The following APBB2 variants were observed in gnomAD, a reference collection of about 807,000 sequenced individuals.
APBB2 encodes Fe65-like 1.
A neutral mutation model predicts 82.5 loss-of-function variants in APBB2; 38 were observed. That is an observed-to-expected ratio of 0.46 (90% CI 0.36 to 0.60). The LOEUF (loss-of-function observed/expected upper bound fraction) is 0.60. APBB2 is among the 20% of genes least tolerant of loss of function. The pLI, the probability that APBB2 is intolerant of heterozygous loss-of-function variation, is 0.00. For synonymous variants in APBB2, 341 were observed against 368.2 expected, an observed-to-expected ratio of 0.93 and a Z score of 0.85; for missense variants, 772 against 972.3, an observed-to-expected ratio of 0.79 and a Z score of 2.74.
intron 1 of APBB2, among the ~76,000 whole-genome samples, chr4:41,159,162 T>C (rs1764217289): frequency 1.3e-5 from 2 of 152,170 alleles, no homozygotes; most frequent in South Asian, 4.1e-4. Flanking sequence ...AGTCTCAAAC[T>C]CACTAGGCCT....
chr4:41,194,312 A>ACT, intron 1 of APBB2, among the ~76,000 whole-genome samples: 11 of 152,174 alleles, frequency 7.2e-5, no homozygotes, highest in African/African-American at 2.4e-4. Flanking sequence ...ACAGAGCGAA[A>ACT]CTCTCTCTCA....
intron 6 of APBB2, among the ~76,000 whole-genome samples, chr4:40,955,756 A>C (rs1791451647): frequency 6.6e-6 from 1 of 151,004 alleles, no homozygotes; most frequent in African/African-American, 2.4e-5. Context: ...CCCTCCCCTA[A>C]CCAAAACATA....
At chr4:40,845,302 C>T (rs915991925) in intron 12 of APBB2, among the ~76,000 whole-genome samples, 1 of 152,144 alleles carries the variant, frequency 6.6e-6, no homozygotes, top group African/African-American at 2.4e-5. Flanking sequence ...CAAAGCTGGG[C>T]TTCTGCACAA....
At chr4:41,105,802 C>A (rs931065085) in intron 2 of APBB2, among the ~76,000 whole-genome samples, 1 of 151,104 alleles carries the variant, frequency 6.6e-6, no homozygotes, top group Non-Finnish European at 1.5e-5. Flanking sequence ...AGGAGAATGG[C>A]GTGAACCCGG....
At chr4:40,869,934 G>T (rs1765016448) in intron 12 of APBB2, among the ~76,000 whole-genome samples, 1 of 151,528 alleles carries the variant, frequency 6.6e-6, no homozygotes, top group East Asian at 2.0e-4. Context: ...CTGCTTGTGG[G>T]TATCTCCTGA....
intron 2 of APBB2, among the ~76,000 whole-genome samples, chr4:41,101,755 C>T (rs1349152435): frequency 1.3e-5 from 2 of 151,794 alleles, no homozygotes; most frequent in African/African-American, 4.8e-5. Context: ...GTCAGGAGTT[C>T]AAGACTAGCC....
At chr4:41,159,998 A>AGAAGAG (rs1764645638) in intron 1 of APBB2, among the ~76,000 whole-genome samples, 2 of 149,428 alleles carry the variant, frequency 1.3e-5, no homozygotes, top group Non-Finnish European at 3.0e-5. Flanking sequence ...AAGAAGAAGA[A>AGAAGAG]GAAGAAGAAG....
intron 4 of APBB2, among the ~76,000 whole-genome samples, chr4:41,045,147 A>T (rs1287172735): frequency 6.6e-6 from 1 of 151,348 alleles, no homozygotes; most frequent in Admixed American, 6.6e-5. Context: ...GATTTTTTTT[A>T]ATTTCTAATT....
At chr4:40,925,377 T>C (rs1264027753) in intron 10 of APBB2, among the ~76,000 whole-genome samples, 4 of 152,202 alleles carry the variant, frequency 2.6e-5, no homozygotes, top group African/African-American at 9.7e-5. Context: ...TTACCCTCAT[T>C]TTGCAGATGA....
At chr4:40,891,745 G>A (rs1311040565) in intron 11 of APBB2, among the ~76,000 whole-genome samples, 1 of 152,166 alleles carries the variant, frequency 6.6e-6, no homozygotes, top group African/African-American at 2.4e-5. Flanking sequence ...GTGCACTGTT[G>A]TGGTGAAACA....
intron 10 of APBB2, among the ~76,000 whole-genome samples, chr4:40,912,197 A>G (rs1267419274): frequency 6.6e-6 from 1 of 152,208 alleles, no homozygotes; most frequent in Non-Finnish European, 1.5e-5. Flanking sequence ...GCAGTCTGAC[A>G]TAGGGCTGCT....
chr4:40,957,647 G>A (rs188050828), intron 6 of APBB2, among the ~76,000 whole-genome samples: 207 of 150,258 alleles, frequency 1.4e-3, no homozygotes, highest in Non-Finnish European at 1.4e-3. Flanking sequence ...GCAATGGTGC[G>A]ATCTCGGCTC....
intron 3 of APBB2, among the ~76,000 whole-genome samples, chr4:41,092,427 T>C (rs190312646): frequency 2.5e-4 from 38 of 152,294 alleles, no homozygotes; most frequent in African/African-American, 7.2e-4. Flanking sequence ...AGTTTGCCCT[T>C]AGTTTAAAGC....
chr4:41,125,850 AC>A (rs1287257865), intron 2 of APBB2, among the ~76,000 whole-genome samples: 1 of 152,038 alleles, frequency 6.6e-6, no homozygotes. Flanking sequence ...TTGGCTTGAA[AC>A]CCTGGCATCC....
At chr4:40,846,639 C>T (rs925656613) in intron 12 of APBB2, among the ~76,000 whole-genome samples, 5 of 152,184 alleles carry the variant, frequency 3.3e-5, no homozygotes, top group Non-Finnish European at 5.9e-5. Flanking sequence ...CCCCTCCCAC[C>T]TCACTGTCCT....
At chr4:41,204,832 A>T (rs565141246) in intron 1 of APBB2, among the ~76,000 whole-genome samples, 1 of 152,292 alleles carries the variant, frequency 6.6e-6, no homozygotes, top group East Asian at 1.9e-4. Context: ...GGAATTCGAA[A>T]GATATAACAA....
chr4:41,031,068 T>A (rs1716566709), intron 5 of APBB2, among the ~76,000 whole-genome samples: 1 of 152,008 alleles, frequency 6.6e-6, no homozygotes, highest in Non-Finnish European at 1.5e-5. Context: ...TTACTAAAAT[T>A]ACAAAAATTA....
chr4:41,032,878 G>A (rs920395073), intron 5 of APBB2, among the ~76,000 whole-genome samples: 1 of 126,092 alleles, frequency 7.9e-6, no homozygotes, highest in Non-Finnish European at 1.6e-5. Context: ...TCCGCCTCCC[G>A]GGTTCACGCC....
At chr4:41,162,816 A>G (rs1461785969) in intron 1 of APBB2, among the ~76,000 whole-genome samples, 1 of 152,186 alleles carries the variant, frequency 6.6e-6, no homozygotes, top group East Asian at 1.9e-4. Flanking sequence ...CTCTGATCAC[A>G]CCACTTCACT....
Sources: allele counts gnomAD v4.1 joint callset (sites outside exome capture counted in the v4.1 genomes callset), GRCh38; gene constraint gnomAD v4.1.1; transcripts MANE v1.5; gene names NCBI Gene and HGNC (gene_info 2026-07-23, HGNC 2026-07-21).